The following ACAP2 variants were observed in gnomAD, a reference collection of about 807,000 sequenced individuals.
ACAP2 encodes the protein arf-GAP with coiled-coil, ANK repeat and PH domain-containing protein 2.
In ACAP2, 39 loss-of-function variants were observed where a neutral mutation model predicts 115.8. That is an observed-to-expected ratio of 0.34 (90% CI 0.26 to 0.44). The LOEUF is 0.44. ACAP2 is among the 20% of genes least tolerant of loss of function. ACAP2 has a pLI of 1.00. For missense variants in ACAP2, 662 were observed against 927.6 expected, an observed-to-expected ratio of 0.71 and a Z score of 3.72; for synonymous variants, 289 against 315.8, an observed-to-expected ratio of 0.92 and a Z score of 0.90.
chr3:195,441,548 C>A (rs1715992221), intron 1 of ACAP2, among the ~76,000 whole-genome samples: 1 of 152,112 alleles, frequency 6.6e-6, no homozygotes, highest in Non-Finnish European at 1.5e-5. Flanking sequence ...CAATTCTTTT[C>A]TTTTTCGCTG....
At chr3:195,321,987 T>A (rs568995528) in intron 9 of ACAP2, among the ~76,000 whole-genome samples, 1 of 152,216 alleles carries the variant, frequency 6.6e-6, no homozygotes, top group South Asian at 2.1e-4. Flanking sequence ...AGGAAACAGA[T>A]CTTAGTCTAC....
At chr3:195,285,081 T>C (rs756893066) in intron 22 of ACAP2, among the ~76,000 whole-genome samples, 1 of 152,230 alleles carries the variant, frequency 6.6e-6, no homozygotes, top group Non-Finnish European at 1.5e-5. Flanking sequence ...AAAAGTATTG[T>C]TCTAAATACT....
At chr3:195,407,905 C>T (rs1207416856) in intron 1 of ACAP2, among the ~76,000 whole-genome samples, 3 of 151,972 alleles carry the variant, frequency 2.0e-5, no homozygotes, top group Non-Finnish European at 4.4e-5. Context: ...AATGACAAAC[C>T]TTTAGCTCTA....
intron 13 of ACAP2, among the ~76,000 whole-genome samples, chr3:195,302,778 G>T (rs1015382133): frequency 2.0e-5 from 3 of 152,126 alleles, no homozygotes; most frequent in Non-Finnish European, 4.4e-5. Flanking sequence ...AGCAAAAGAT[G>T]GCTGATTAAC....
Position 195,331,848 on chromosome 3 carries a change from G to A in ACAP2, c.669+1180C>T, listed in dbSNP as rs866942022. On this transcript the variant is annotated intron_variant, in intron 8 of 22. Transcript: ENST00000326793. Reference sequence around the variant, plus strand: ...ATGTATATGTATAGAACTATTACACGTAGCCACCAGGCACAGTGGCTCACG... The same window carrying A: ...ATGTATATGTATAGAACTATTACACATAGCCACCAGGCACAGTGGCTCACG... 4.4e-4 allele frequency among the ~76,000 whole-genome samples: 67 copies of A among 151,886 alleles called. No homozygotes were observed. The Middle Eastern group carries it at 0.017, about 39-fold the overall frequency.
At chr3:195,379,195 A>C (rs1733784215) in intron 4 of ACAP2, among the ~76,000 whole-genome samples, 2 of 152,172 alleles carry the variant, frequency 1.3e-5, no homozygotes, top group African/African-American at 4.8e-5. Flanking sequence ...TAAAACCATA[A>C]AACTCTTAGA....
In ACAP2 at chr3:195,338,383, G is replaced by A. The variant is rs73206692; in HGVS notation, c.529-1407C>T. Among the ~76,000 whole-genome samples the A allele has an allele frequency of 6.2e-3, 949 of 152,220 alleles. 8 individuals carry two copies. Among genetic ancestry groups the A allele is most frequent in the Non-Finnish European group, 8.6e-3 (588 of 68,006 alleles). On this transcript the variant is annotated intron_variant, in intron 6 of 22. Transcript: ENST00000326793. ...GATCTCACTGCAGCCTCGAACTCCT[G>A]GGCACACAATCCTCCTGCCTTAGCC...
At chr3:195,391,906 G>T (rs1734703826) in intron 2 of ACAP2, among the ~76,000 whole-genome samples, 184 bp downstream of exon 2, 1 of 151,932 alleles carries the variant, frequency 6.6e-6, no homozygotes, top group Non-Finnish European at 1.5e-5. Context: ...GAGGCAGGAG[G>T]ATCGTTTGAA....
intron 6 of ACAP2, among the ~76,000 whole-genome samples, chr3:195,339,339 A>C (rs529183040): frequency 2.6e-5 from 4 of 152,272 alleles, no homozygotes; most frequent in African/African-American, 7.2e-5. Context: ...AGTAAAGAAG[A>C]AGCTGCAAAT....
At chr3:195,343,273 G>T (rs901424692) in intron 5 of ACAP2, among the ~76,000 whole-genome samples, 2 of 152,088 alleles carry the variant, frequency 1.3e-5, no homozygotes, top group Admixed American at 6.6e-5. Context: ...TTAACCAAAC[G>T]ATTTTTAAAC....
At position 195,363,370 on chromosome 3, in the gene ACAP2, C is replaced by T. The variant is rs530904123; in HGVS notation, c.285+17639G>A. Among the ~76,000 whole-genome samples, 147 of 152,126 alleles carry T rather than the reference C, an allele frequency of 9.7e-4. 1 individual carries two copies. The highest frequency in any genetic ancestry group is 1.5e-3 in the Non-Finnish European group (102 of 67,986). ...ATTGTTAAAATGTCCAGGCCGGGCA[C>T]GGTGGCTCATGCCTGTAATCCCAGC... is the stretch of plus-strand genomic sequence containing the variant. On this transcript the variant is annotated intron_variant, in intron 4 of 22. Transcript: ENST00000326793.
intron 10 of ACAP2, among the ~76,000 whole-genome samples, chr3:195,309,566 C>T (rs973641946): frequency 6.6e-6 from 1 of 151,708 alleles, no homozygotes; most frequent in Non-Finnish European, 1.5e-5. Context: ...AAAAAGTATC[C>T]ACTTGTATAC....
At chr3:195,387,421 C>T (rs145701273) in intron 2 of ACAP2, among the ~76,000 whole-genome samples, 43 of 152,154 alleles carry the variant, frequency 2.8e-4, no homozygotes, top group Admixed American at 5.9e-4. Context: ...TTTTCATGCG[C>T]AAATTAGGGA....
In ACAP2 at chr3:195,342,483, A is replaced by C; in HGVS notation, c.516T>G (p.Asp172Glu). 6.2e-7 allele frequency: 1 copy of C among 1,604,706 alleles called. No individual in the cohort carries two copies. Among genetic ancestry groups the C allele is most frequent in the Non-Finnish European group, 8.5e-7 (1 of 1,177,758 alleles). Residue 172 changes from aspartate (D) to glutamate (E), a missense_variant, in exon 6 of 23, where the codon GAT (aspartate) becomes GAG (glutamate). Asp to Glu is a conservative substitution (Grantham distance 45). Around this residue, in one of 3 missense-constraint regions of ACAP2, gnomAD observed 401 missense variants for 604.4 expected, o/e 0.66. Coordinates refer to ENST00000326793, the MANE Select transcript of ACAP2 (RefSeq NM_012287.6). The stretch of plus-strand genomic sequence containing the variant: ...AGAAACTATATACCTGAAGCACATA[A>C]TCGAGGGCTATGTGTCGGAAACATT... ...TRKCFRHIAL[D>E]YVLQINVLQS...
intron 2 of ACAP2, 90 bp from the exon 3 acceptor site, chr3:195,382,112 C>T: frequency 1.7e-6 from 2 of 1,210,258 alleles, no homozygotes; most frequent in Non-Finnish European, 2.3e-6. Context: ...TATGAGGTGA[C>T]CTAGTTAAGT....
At chr3:195,283,178 G>C (rs1726618038) in intron 22 of ACAP2, among the ~76,000 whole-genome samples, 1 of 152,152 alleles carries the variant, frequency 6.6e-6, no homozygotes, top group Non-Finnish European at 1.5e-5. Context: ...AGAGACTGTG[G>C]GAACCACCAA....
chr3:195,307,456 G>A lies in ACAP2; in HGVS notation c.910-133C>T, dbSNP rs111246666. 4.8e-4 allele frequency: 269 copies of A among 565,682 alleles called. 2 individuals are homozygous for A. The Middle Eastern group carries it at 0.013, about 28-fold the overall frequency. 35.0% of individuals were successfully genotyped at this position (565,682 alleles called of 1,614,324 possible). A position where few individuals can be genotyped will look rare whatever the true frequency, so the allele number is the denominator to read the frequency against. On this transcript the variant is annotated intron_variant, in intron 11 of 22. Coordinates refer to ENST00000326793, the MANE Select transcript of ACAP2 (RefSeq NM_012287.6). ...TTTATATTTTATTTTAGAAACAGGG[G>A]TTATCAATATAGACATAAAAGTAAT...
In ACAP2 at chr3:195,421,550, T is replaced by C. The variant is rs551572037; in HGVS notation, c.53+21245A>G. Reference sequence around the variant, plus strand: ...CCATTGTTTGTATTTGTTGGAATCATAGGAAAGCAGTACTAGTAATGCATT... The same window carrying C: ...CCATTGTTTGTATTTGTTGGAATCACAGGAAAGCAGTACTAGTAATGCATT... On this transcript the variant is annotated intron_variant, in intron 1 of 22. Transcript: ENST00000326793. Among the ~76,000 whole-genome samples, 88 of 152,332 alleles carry C rather than the reference T, an allele frequency of 5.8e-4. 1 individual carries two copies. Among genetic ancestry groups the C allele is most frequent in the African/African-American group, 1.9e-3 (79 of 41,578 alleles).
At chr3:195,294,214 A>G (rs555004656) in intron 18 of ACAP2, among the ~76,000 whole-genome samples, 4 of 152,220 alleles carry the variant, frequency 2.6e-5, no homozygotes, top group African/African-American at 9.6e-5. Flanking sequence ...ATATGAAGAA[A>G]TCGCTGCTTT....
Sources: allele counts gnomAD v4.1 joint callset (sites outside exome capture counted in the v4.1 genomes callset), GRCh38; gene constraint gnomAD v4.1.1; regional missense constraint gnomAD v4.1.1; transcripts MANE v1.5; gene names NCBI Gene and HGNC (gene_info 2026-07-23, HGNC 2026-07-21).